Variants in PAPSS1 observed in about 807,000 individuals in gnomAD.
The protein encoded by PAPSS1 is bifunctional 3'-phosphoadenosine 5'-phosphosulfate synthase 1.
In PAPSS1, 50 loss-of-function variants were observed where a neutral mutation model predicts 72.0. That is an observed-to-expected ratio of 0.69 (90% CI 0.55 to 0.88). The LOEUF is 0.88. Ranked by LOEUF, PAPSS1 falls within the 40% of genes least tolerant of loss-of-function variation. PAPSS1 has a pLI of 0.00. For missense variants in PAPSS1, 657 were observed against 782.2 expected (o/e 0.84, Z 1.91); for synonymous variants, 261 against 263.6 (o/e 0.99, Z 0.09).
chr4:107,679,264 A>G (rs1171473992), intron 5 of PAPSS1, among the ~76,000 whole-genome samples: 1 of 151,840 alleles, frequency 6.6e-6, no homozygotes, highest in African/African-American at 2.4e-5. Context: ...CAGGAGGAAG[A>G]CTCCTTCTGT....
At chr4:107,707,171 T>C in intron 1 of PAPSS1, among the ~76,000 whole-genome samples, 1 of 152,098 alleles carries the variant, frequency 6.6e-6, no homozygotes, top group Admixed American at 6.6e-5. Context: ...AATGGCCTTG[T>C]ACTGGGGCAG....
intron 9 of PAPSS1, among the ~76,000 whole-genome samples, chr4:107,649,987 A>G (rs1355946238): frequency 6.6e-6 from 1 of 152,236 alleles, no homozygotes; most frequent in Non-Finnish European, 1.5e-5. Flanking sequence ...TGTGTATTAA[A>G]GATTTCTCAA....
intron 1 of PAPSS1, among the ~76,000 whole-genome samples, chr4:107,704,640 G>A (rs936393657): frequency 2.0e-5 from 3 of 152,102 alleles, no homozygotes; most frequent in Non-Finnish European, 4.4e-5. Flanking sequence ...TGTTAGTGTG[G>A]TGCATCACCT....
At chr4:107,651,279 C>T (rs1021985174) in intron 9 of PAPSS1, among the ~76,000 whole-genome samples, 3 of 152,168 alleles carry the variant, frequency 2.0e-5, no homozygotes, top group African/African-American at 7.2e-5. Context: ...GTGGGTGGCC[C>T]ATCTGAGGCC....
At chr4:107,698,187 T>C (rs1723117018) in intron 2 of PAPSS1, among the ~76,000 whole-genome samples, 1 of 151,880 alleles carries the variant, frequency 6.6e-6, no homozygotes, top group African/African-American at 2.4e-5. Context: ...TGATAAAAAG[T>C]GAAACACGTC....
intron 1 of PAPSS1, among the ~76,000 whole-genome samples, chr4:107,701,734 A>T (rs78717398): frequency 7.2e-4 from 109 of 152,334 alleles, no homozygotes; most frequent in African/African-American, 2.5e-3. Flanking sequence ...AATGTAAACC[A>T]ATAAAACTTA....
At chr4:107,649,122 G>A (rs906552682) in intron 9 of PAPSS1, among the ~76,000 whole-genome samples, 4 of 152,234 alleles carry the variant, frequency 2.6e-5, no homozygotes, top group African/African-American at 9.6e-5. Flanking sequence ...ATTCTCTGAT[G>A]TCCTGGGGCA....
intron 11 of PAPSS1, among the ~76,000 whole-genome samples, chr4:107,628,590 G>A (rs1726155102): frequency 6.6e-6 from 1 of 152,104 alleles, no homozygotes; most frequent in Admixed American, 6.6e-5. Flanking sequence ...TGATAAAAAT[G>A]TAAATTAAAA....
intron 9 of PAPSS1, 69 bp downstream of exon 9, chr4:107,653,422 A>C: frequency 6.9e-7 from 1 of 1,457,332 alleles, no homozygotes; most frequent in Non-Finnish European, 9.4e-7. Context: ...TTTCGTAAGC[A>C]CTGGAAAAAA....
chr4:107,698,209 C>T (rs182963760), intron 2 of PAPSS1, among the ~76,000 whole-genome samples: 1 of 152,192 alleles, frequency 6.6e-6, no homozygotes, highest in African/African-American at 2.4e-5. Context: ...AGCAAAACAG[C>T]ATACAAAAAT....
chr4:107,715,874 C>T (rs1723625451), intron 1 of PAPSS1, among the ~76,000 whole-genome samples: 1 of 152,116 alleles, frequency 6.6e-6, no homozygotes, highest in Non-Finnish European at 1.5e-5. Flanking sequence ...ATGGTATGCA[C>T]CATTAGCCTC....
At chr4:107,644,464 A>C (rs1726639639) in intron 10 of PAPSS1, among the ~76,000 whole-genome samples, 1 of 152,162 alleles carries the variant, frequency 6.6e-6, no homozygotes, top group African/African-American at 2.4e-5. Flanking sequence ...GGACAAGATC[A>C]GTGTTGTTGT....
chr4:107,636,029 T>C (rs1207411412), intron 10 of PAPSS1, among the ~76,000 whole-genome samples: 4 of 152,214 alleles, frequency 2.6e-5, no homozygotes, highest in Non-Finnish European at 5.9e-5. Flanking sequence ...ATTACCTTTT[T>C]AAACAGTATT....
At chr4:107,648,818 T>C (rs142935913) in intron 9 of PAPSS1, among the ~76,000 whole-genome samples, 13 of 152,304 alleles carry the variant, frequency 8.5e-5, no homozygotes, top group African/African-American at 2.6e-4. Context: ...ACAAAGCAGT[T>C]TGATCTCCCC....
chr4:107,661,354 A>G (rs1560576015), intron 5 of PAPSS1, among the ~76,000 whole-genome samples: 1 of 152,204 alleles, frequency 6.6e-6, no homozygotes, highest in Admixed American at 6.5e-5. Context: ...ATTCACCCCA[A>G]TGAGTTGAAA....
chr4:107,701,976 C>CA (rs11328129), intron 1 of PAPSS1, among the ~76,000 whole-genome samples: 171 of 133,922 alleles, frequency 1.3e-3, no homozygotes, highest in Middle Eastern at 7.7e-3. Context: ...AAAGCTGCTT[C>CA]AAAAAAAAAA....
chr4:107,700,662 T>C (rs1214803825), intron 2 of PAPSS1, among the ~76,000 whole-genome samples: 1 of 152,232 alleles, frequency 6.6e-6, no homozygotes, highest in Non-Finnish European at 1.5e-5. Context: ...TAAAAGGGAT[T>C]GAGGCTGTGA....
At chr4:107,643,094 C>CTTGGTTCATTAGAA (rs1386542370) in intron 10 of PAPSS1, among the ~76,000 whole-genome samples, 1 of 152,214 alleles carries the variant, frequency 6.6e-6, no homozygotes, top group Non-Finnish European at 1.5e-5. Flanking sequence ...AATGAACAAT[C>CTTGGTTCATTAGAA]TGCCACTAAT....
chr4:107,631,640 T>C lies in PAPSS1; in HGVS notation c.1727A>G (p.Asp576Gly), dbSNP rs761881820. 7 of 1,608,502 alleles carry C rather than the reference T, an allele frequency of 4.4e-6. No homozygotes were observed. In the East Asian group the frequency reaches 8.9e-5, roughly 20 times the overall value. ...AGAATGTAAGACTTACTGTTCAGAG[T>C]CATAGTAGTCCATACGCTTCTTTTT... ...NKKKKRMDYY[D>G]SEHHEDFEFI... Residue 576 changes from aspartate (D) to glycine (G), a missense_variant, in exon 11 of 12, where the codon GAC becomes GGC. Asp to Gly is a moderately conservative substitution (Grantham distance 94). Transcript: ENST00000265174.
Sources: gnomAD v4.1 joint callset for allele counts (sites outside exome capture counted in the v4.1 genomes callset) on GRCh38, gnomAD v4.1.1 for gene constraint, MANE v1.5 for transcripts, NCBI Gene and HGNC (gene_info 2026-07-23, HGNC 2026-07-21) for gene names.